PLD5: variants seen among roughly 807,000 people sequenced by gnomAD.
PLD5 encodes the protein inactive phospholipase D5.
Under a neutral mutation model 61.1 loss-of-function variants are expected in PLD5, and 36 were observed. That is an observed-to-expected ratio of 0.59 (90% CI 0.45 to 0.78). The LOEUF (loss-of-function observed/expected upper bound fraction) is 0.78, where lower values mean the gene tolerates loss of function less well. Among genes scored for constraint, PLD5 ranks in the 30% least tolerant of loss-of-function variants. PLD5 has a pLI of 0.00. For synonymous variants in PLD5, 243 were observed against 242.8 expected (o/e 1.00, Z -0.01); for missense variants, 515 against 644.4 (o/e 0.80, Z 2.17).
intron 1 of PLD5, among the ~76,000 whole-genome samples, chr1:242,456,635 G>T (rs1192670616): frequency 6.6e-6 from 1 of 152,184 alleles, no homozygotes; most frequent in East Asian, 1.9e-4. Context: ...TTTGGTGATG[G>T]TCTATATCAG....
chr1:242,352,799 T>C (rs565316710), intron 1 of PLD5, among the ~76,000 whole-genome samples: 6 of 152,334 alleles, frequency 3.9e-5, no homozygotes, highest in Non-Finnish European at 5.9e-5. Context: ...TGGTTAGTGA[T>C]ACTGAACATT....
At chr1:242,279,562 T>C (rs1235919068) in intron 3 of PLD5, among the ~76,000 whole-genome samples, 1 of 151,864 alleles carries the variant, frequency 6.6e-6, no homozygotes, top group Non-Finnish European at 1.5e-5. Flanking sequence ...CGAGACCGAG[T>C]CTTGCTGTGT....
intron 5 of PLD5, among the ~76,000 whole-genome samples, chr1:242,195,398 GCTCTT>G (rs1462703187): frequency 6.6e-6 from 1 of 152,122 alleles, no homozygotes; most frequent in African/African-American, 2.4e-5. Flanking sequence ...TTACCTACCT[GCTCTT>G]TTGTTTCTTC....
At chr1:242,458,467 G>A (rs138051500) in intron 1 of PLD5, among the ~76,000 whole-genome samples, 1,689 of 152,298 alleles carry the variant, frequency 0.011, 28 homozygotes, top group South Asian at 0.064. Flanking sequence ...AAGGGGCAGG[G>A]GTTGCCCCTC....
intron 2 of PLD5, among the ~76,000 whole-genome samples, chr1:242,296,191 T>TA (rs1294875020): frequency 6.6e-6 from 1 of 152,190 alleles, no homozygotes; most frequent in African/African-American, 2.4e-5. Flanking sequence ...TGGTTGCTGA[T>TA]ATGTCTCCTT....
intron 1 of PLD5, among the ~76,000 whole-genome samples, chr1:242,467,453 GT>G (rs1667312001): frequency 2.0e-5 from 3 of 152,218 alleles, no homozygotes; most frequent in South Asian, 4.1e-4. Context: ...AGGCTTTGTG[GT>G]TTTTATAGCA....
At chr1:242,276,104 C>G (rs1439940715) in intron 3 of PLD5, among the ~76,000 whole-genome samples, 10 of 151,888 alleles carry the variant, frequency 6.6e-5, no homozygotes, top group Non-Finnish European at 1.3e-4. Context: ...TTGGTCAGGC[C>G]AGGCAGGAGG....
chr1:242,431,626 A>G (rs1665725721), intron 1 of PLD5, among the ~76,000 whole-genome samples: 1 of 152,252 alleles, frequency 6.6e-6, no homozygotes, highest in Non-Finnish European at 1.5e-5. Context: ...CAGGAAGAGC[A>G]ATAACATTTT....
chr1:242,405,123 C>A (rs760257452), intron 1 of PLD5, among the ~76,000 whole-genome samples: 1 of 152,010 alleles, frequency 6.6e-6, no homozygotes, highest in African/African-American at 2.4e-5. Context: ...TCCAGTGATT[C>A]ACCTGCCTTG....
In PLD5 at chr1:242,496,540, T is replaced by C. The variant is rs1372197149; in HGVS notation, c.189+27548A>G. On this transcript the variant is annotated intron_variant, in intron 1 of 9. Coordinates refer to ENST00000536534, the MANE Select transcript of PLD5 (RefSeq NM_001372062.1). The stretch of plus-strand genomic sequence containing the variant: ...TGGATAGATTCACTTTCTTTGCACT[T>C]CATTAGACTTTGCGAGATTGTTTCT... 2.0e-5 allele frequency among the ~76,000 whole-genome samples: 3 copies of C among 152,246 alleles called. No individual in the cohort carries two copies. The East Asian group carries it at 5.8e-4, about 29-fold the overall frequency.
At chr1:242,347,872 T>G (rs1234327069) in intron 2 of PLD5, among the ~76,000 whole-genome samples, 2 of 152,136 alleles carry the variant, frequency 1.3e-5, no homozygotes, top group African/African-American at 4.8e-5. Flanking sequence ...TAGAAAAATT[T>G]TTTTGTTCCC....
At chr1:242,286,090 C>G (rs550997863) in intron 3 of PLD5, among the ~76,000 whole-genome samples, 1 of 152,186 alleles carries the variant, frequency 6.6e-6, no homozygotes, top group African/African-American at 2.4e-5. Flanking sequence ...ACCTGGGCAA[C>G]ACAGCGAGTC....
chr1:242,498,923 C>G (rs1200961885), intron 1 of PLD5, among the ~76,000 whole-genome samples: 3 of 152,166 alleles, frequency 2.0e-5, no homozygotes, highest in Non-Finnish European at 4.4e-5. Flanking sequence ...TAACCACTTT[C>G]TTAAAACAAA....
intron 1 of PLD5, among the ~76,000 whole-genome samples, chr1:242,456,047 G>A (rs1666934799): frequency 3.3e-5 from 5 of 152,224 alleles, no homozygotes; most frequent in Admixed American, 3.3e-4. Context: ...GTAGAAGGAT[G>A]GGAACATATT....
At chr1:242,310,802 C>T (rs189857333) in intron 2 of PLD5, among the ~76,000 whole-genome samples, 269 of 152,216 alleles carry the variant, frequency 1.8e-3, no homozygotes, top group Non-Finnish European at 3.2e-3. Flanking sequence ...ACTTTAATCC[C>T]TAGTTAAATA....
intron 4 of PLD5, among the ~76,000 whole-genome samples, chr1:242,223,219 G>A (rs1670714811): frequency 6.6e-6 from 1 of 152,164 alleles, no homozygotes; most frequent in Non-Finnish European, 1.5e-5. Flanking sequence ...CCATTCATGA[G>A]GGTTTTGCTG....
intron 1 of PLD5, among the ~76,000 whole-genome samples, chr1:242,455,034 G>A (rs1666903849): frequency 6.6e-6 from 1 of 152,158 alleles, no homozygotes; most frequent in Non-Finnish European, 1.5e-5. Context: ...TTAATCACCT[G>A]TTAAAAATAC....
chr1:242,292,372 T>C (rs1283559917), intron 2 of PLD5, among the ~76,000 whole-genome samples: 3 of 152,118 alleles, frequency 2.0e-5, no homozygotes, highest in Non-Finnish European at 1.5e-5. Flanking sequence ...ATAAAAGGTA[T>C]ATGGAGAAAG....
At chr1:242,342,390 G>A (rs185983432) in intron 2 of PLD5, among the ~76,000 whole-genome samples, 29 of 152,332 alleles carry the variant, frequency 1.9e-4, no homozygotes, top group Admixed American at 7.8e-4. Context: ...CAATTGAGCA[G>A]CACCTGGAGC....
Sources: allele counts gnomAD v4.1 joint callset (sites outside exome capture counted in the v4.1 genomes callset), GRCh38; gene constraint gnomAD v4.1.1; transcripts MANE v1.5; gene names NCBI Gene and HGNC (gene_info 2026-07-23, HGNC 2026-07-21).